Variants in KNCN observed in about 807,000 individuals in gnomAD.
KNCN encodes the protein kinocilin.
In KNCN, 11 loss-of-function variants were observed where a neutral mutation model predicts 10.4. That is an observed-to-expected ratio of 1.06 (90% confidence interval 0.67 to 1.75). KNCN has a LOEUF of 1.75. KNCN is among the 40% of genes most tolerant of loss of function. KNCN has a pLI of 0.00. For synonymous variants in KNCN, 67 were observed against 71.6 expected (o/e 0.94, Z 0.33); for missense variants, 172 against 167.1 (o/e 1.03, Z -0.16).
chr1:46,549,295 CT>C (rs1667018626), intron 2 of KNCN, 28 bp from the exon 3 acceptor site: 2 of 1,550,798 alleles, frequency 1.3e-6, no homozygotes, highest in Non-Finnish European at 1.8e-6. Context: ...CCCAAGCCCC[CT>C]GATTACTGAG....
chr1:46,549,697 A>G (rs1667026100), intron 2 of KNCN: 2 of 645,172 alleles, frequency 3.1e-6, no homozygotes, highest in East Asian at 2.8e-5. Flanking sequence ...CTCAAGGGAG[A>G]TGAACTTCCC....
At position 46,547,542 on chromosome 1, in the gene KNCN, A is replaced by G; in HGVS notation, c.*188T>C. 1 of 709,032 alleles carries G rather than the reference A, an allele frequency of 1.4e-6. No individual in the cohort carries two copies. Among genetic ancestry groups the G allele is most frequent in the Non-Finnish European group, 2.6e-6 (1 of 385,642 alleles). 43.9% of individuals were successfully genotyped at this position (709,032 alleles called of 1,614,324 possible). ...TCCAGGTCCCAGCCCACACCAGTGG[A>G]ATCCATTTTGGAGAGGCTTGGCCGG... On this transcript the variant is annotated 3_prime_UTR_variant, in exon 4 of 4. Transcript: ENST00000481882.
Position 46,549,929 on chromosome 1 carries a change from C to G in KNCN, c.220+5G>C. Reference sequence around the variant, plus strand: ...GGGTCTGCTGGGGTCAGGGAGAGGCCTCACCTATGGTAGGCAGGATGTGGT... The same window carrying G: ...GGGTCTGCTGGGGTCAGGGAGAGGCGTCACCTATGGTAGGCAGGATGTGGT... On this transcript the variant is annotated splice_donor_5th_base_variant and intron_variant, in intron 2 of 3. Transcript: ENST00000481882. The G allele has an allele frequency of 1.3e-6, 2 of 1,550,572 alleles. No individual in the cohort carries two copies. Among genetic ancestry groups the G allele is most frequent in the Non-Finnish European group, 1.7e-6 (2 of 1,146,974 alleles).
rs2148510404 is a variant in KNCN at position 46,551,586 on chromosome 1, C to T, written c.-371G>A. 1 of 181,038 alleles carries T rather than the reference C, an allele frequency of 5.5e-6. No homozygotes were observed. Among genetic ancestry groups the T allele is most frequent in the African/African-American group, 2.4e-5 (1 of 42,148 alleles). The allele number at this position is 181,038 out of a possible 1,614,324, so 11.2% of individuals were successfully genotyped here. A position where few individuals can be genotyped will look rare whatever the true frequency, so the allele number is the denominator to read the frequency against. ...AGGATCCTTCCCTGCCAGCCTCCAC[C>T]CAGGAGAGTTCAAGCTCCCCTGCCC... On this transcript the variant is annotated 5_prime_UTR_variant, in exon 1 of 4. It introduces an in-frame stop codon into an upstream open reading frame of the 5' UTR. Transcript: ENST00000481882. This position sits in a 1 kb window ranked among gnomAD's most constrained non-coding sequence, Gnocchi z 4.0.
chr1:46,549,856 T>C, intron 2 of KNCN, 78 bp downstream of exon 2: 1 of 1,548,328 alleles, frequency 6.5e-7, no homozygotes, highest in East Asian at 2.4e-5. Flanking sequence ...AGCCACACAG[T>C]GGGTCACAGA....
intron 3 of KNCN, 89 bp from the exon 4 acceptor site, chr1:46,547,898 C>T (rs1666981724): frequency 8.2e-6 from 8 of 978,326 alleles, no homozygotes; most frequent in Non-Finnish European, 1.2e-5. Flanking sequence ...GGACCCAAGG[C>T]CGGGGTGCCT....
rs1049972664 is a variant in KNCN, at chr1:46,545,642, A to G, written c.*2088T>C. 6.6e-6 allele frequency: 1 copy of G among 152,240 alleles called. No homozygotes were observed. Among genetic ancestry groups the G allele is most frequent in the African/African-American group, 2.4e-5 (1 of 41,442 alleles). 9.4% of individuals were successfully genotyped at this position (152,240 alleles called of 1,614,324 possible). ...CAGTGGACATAGCTCTTGCCGTTGT[A>G]TGCTTTCATTCCTTGATTTATTCCA... On this transcript the variant is annotated 3_prime_UTR_variant, in exon 4 of 4. Transcript: ENST00000481882.
At chr1:46,549,596 C>T in intron 2 of KNCN, 1 of 540,670 alleles carries the variant, frequency 1.8e-6, no homozygotes. Context: ...GCTGTGGGGT[C>T]TTAGGGGAAA....
Position 46,549,256 on chromosome 1 carries a change from T to A in KNCN, c.232A>T (p.Ile78Phe). 1 of 1,612,782 alleles carries A rather than the reference T, an allele frequency of 6.2e-7. No individual in the cohort carries two copies. The highest frequency in any genetic ancestry group is 1.1e-5 in the South Asian group (1 of 90,780). ...TGGTCTGCCCCTGGATGGGGATGGA[T>A]TCTTAGGCTCCCTGCAGGATGAGAC... ...HILPTIGSLR[I>F]HPHPGADHGE... The change falls in exon 3 of 4, where the codon ATC becomes TTC. Residue 78 changes from isoleucine to phenylalanine, a missense_variant. By Grantham distance (21) the Ile-to-Phe change is conservative (BLOSUM62 0). Coordinates refer to ENST00000481882, the MANE Select transcript of KNCN (RefSeq NM_001322255.2).
At position 46,546,326 on chromosome 1, in the gene KNCN, T is replaced by G. The variant is rs1666942623; in HGVS notation, c.*1404A>C. ...GGGGTGTCGTCTGGGTGCCTGGCCC[T>G]CTGCTCCCACTCTCAAGAGGGGAAA... On this transcript the variant is annotated 3_prime_UTR_variant, in exon 4 of 4. Transcript: ENST00000481882. 1 of 152,218 alleles carries G rather than the reference T, an allele frequency of 6.6e-6. No individual in the cohort carries two copies. Among genetic ancestry groups the G allele is most frequent in the Non-Finnish European group, 1.5e-5 (1 of 68,056 alleles). 9.4% of individuals were successfully genotyped at this position (152,218 alleles called of 1,614,324 possible).
rs1387584071 is a variant in KNCN, at chr1:46,546,237, C to A, written c.*1493G>T. ...CGATGAGTCCTTTTTCCAGTGGGGC[C>A]TCAGCTTTCCCATCTGAGATGGACT... On this transcript the variant is annotated 3_prime_UTR_variant, in exon 4 of 4. Coordinates refer to ENST00000481882, the MANE Select transcript of KNCN (RefSeq NM_001322255.2). The A allele has an allele frequency of 6.6e-6, 1 of 152,210 alleles. No homozygotes were observed. The highest frequency in any genetic ancestry group is 1.5e-5 in the Non-Finnish European group (1 of 68,052). 9.4% of individuals were successfully genotyped at this position (152,210 alleles called of 1,614,324 possible).
chr1:46,549,843 C>T lies in KNCN; in HGVS notation c.220+91G>A, dbSNP rs1048380241. ...AGCGCGGTCTCACACATGGGCTCAT[C>T]CCAGCCACACAGTGGGTCACAGACG... On this transcript the variant is annotated intron_variant, in intron 2 of 3. Coordinates refer to ENST00000481882, the MANE Select transcript of KNCN (RefSeq NM_001322255.2). 106 of 1,547,114 alleles carry T rather than the reference C, an allele frequency of 6.9e-5. No individual in the cohort carries two copies. In the African/African-American group the frequency reaches 1.3e-3, roughly 19 times the overall value.
intron 3 of KNCN, 81 bp from the exon 4 acceptor site, chr1:46,547,890 A>G: frequency 9.1e-7 from 1 of 1,097,604 alleles, no homozygotes; most frequent in Non-Finnish European, 1.3e-6. Context: ...ACTCAGAGGG[A>G]CCCAAGGCCG....
intron 2 of KNCN, chr1:46,549,580 G>A: frequency 3.6e-6 from 2 of 552,234 alleles, no homozygotes; most frequent in South Asian, 5.2e-5. Context: ...TGGGAGCTGT[G>A]CAGAGGCTGT....
chr1:46,549,645 G>GT, intron 2 of KNCN: 1 of 566,776 alleles, frequency 1.8e-6, no homozygotes, highest in South Asian at 2.3e-5. Flanking sequence ...TGGAGAGGGA[G>GT]TTATTTAGAG....
chr1:46,547,675 A>G lies in KNCN; in HGVS notation c.*55T>C. The G allele has an allele frequency of 5.9e-6, 8 of 1,361,866 alleles. No individual in the cohort carries two copies. Among genetic ancestry groups the G allele is most frequent in the Non-Finnish European group, 8.2e-6 (8 of 976,526 alleles). The allele number at this position is 1,361,866 out of a possible 1,614,324, so 84.4% of individuals were successfully genotyped here. A position where few individuals can be genotyped will look rare whatever the true frequency, so the allele number is the denominator to read the frequency against. On this transcript the variant is annotated 3_prime_UTR_variant, in exon 4 of 4. Coordinates refer to ENST00000481882, the MANE Select transcript of KNCN (RefSeq NM_001322255.2). ...TCCTAACCCAGGAGGGCACTGACAT[A>G]GGGGCAGCAGGCAGGATGGGAGGGC...
intron 1 of KNCN, among the ~76,000 whole-genome samples, chr1:46,550,343 C>G (rs369959873): frequency 6.6e-6 from 1 of 152,134 alleles, no homozygotes; most frequent in Admixed American, 6.5e-5. Context: ...CCCCCAGGGC[C>G]GGACTGGGTG....
chr1:46,549,607 TAGA>T (rs776906309), intron 2 of KNCN: 54 of 545,222 alleles, frequency 9.9e-5, no homozygotes, highest in Non-Finnish European at 1.6e-4. Flanking sequence ...TTAGGGGAAA[TAGA>T]GGGTCTTTCA....
Position 46,547,244 on chromosome 1 carries a change from A to G in KNCN, c.*486T>C. On this transcript the variant is annotated 3_prime_UTR_variant, in exon 4 of 4. Coordinates refer to ENST00000481882, the MANE Select transcript of KNCN (RefSeq NM_001322255.2). ...GAAAAGAATCTTGTCTAGCCCCTCT[A>G]TTGGGCTAGTGAGCTCTAGAGCCCC... 3 of 367,106 alleles carry G rather than the reference A, an allele frequency of 8.2e-6. 1 individual carries two copies. The highest frequency in any genetic ancestry group is 4.1e-5 in the South Asian group (2 of 48,978). 22.7% of individuals were successfully genotyped at this position (367,106 alleles called of 1,614,324 possible). A position where few individuals can be genotyped will look rare whatever the true frequency, so the allele number is the denominator to read the frequency against.
Sources: allele counts gnomAD v4.1 joint callset (sites outside exome capture counted in the v4.1 genomes callset), GRCh38; gene constraint gnomAD v4.1.1; non-coding constraint Gnocchi (gnomAD v3.1); transcripts MANE v1.5; gene names NCBI Gene and HGNC (gene_info 2026-07-23, HGNC 2026-07-21).